The following CPQ variants were observed in gnomAD, a reference collection of about 807,000 sequenced individuals.
The protein encoded by CPQ is Ser-Met dipeptidase.
In CPQ, 37 loss-of-function variants were observed where a neutral mutation model predicts 45.7. The ratio of observed to expected loss-of-function variants is 0.81; its 90% CI spans 0.62 to 1.07. The LOEUF (loss-of-function observed/expected upper bound fraction) is 1.07, where lower values mean the gene tolerates loss of function less well. Ranked by LOEUF, CPQ falls within the 50% of genes least tolerant of loss-of-function variation. The pLI, the probability that CPQ is intolerant of heterozygous loss-of-function variation, is 0.00. For synonymous variants in CPQ, 186 were observed against 205.8 expected (o/e 0.90, Z 0.82); for missense variants, 537 against 572.9 (o/e 0.94, Z 0.64).
At chr8:97,013,720 G>A (rs1809531057) in intron 5 of CPQ, among the ~76,000 whole-genome samples, 1 of 152,160 alleles carries the variant, frequency 6.6e-6, no homozygotes, top group South Asian at 2.1e-4. Flanking sequence ...TTGGAAAAGG[G>A]AGTAGTTGGA....
intron 7 of CPQ, among the ~76,000 whole-genome samples, chr8:97,118,473 A>G (rs1175098450): frequency 6.6e-6 from 1 of 152,228 alleles, no homozygotes; most frequent in African/African-American, 2.4e-5. Flanking sequence ...CTCATGCTAT[A>G]GTTTTCATAC....
At chr8:96,948,089 C>T (rs149782977) in intron 4 of CPQ, among the ~76,000 whole-genome samples, 104 of 152,024 alleles carry the variant, frequency 6.8e-4, no homozygotes, top group African/African-American at 2.4e-3. Flanking sequence ...TTAGCTTCTT[C>T]CTAGAAATTC....
chr8:97,140,107 A>C (rs1812133852), intron 7 of CPQ, among the ~76,000 whole-genome samples: 1 of 152,012 alleles, frequency 6.6e-6, no homozygotes, highest in Non-Finnish European at 1.5e-5. Flanking sequence ...AATTAAAAAC[A>C]GGATATTACT....
At chr8:97,026,887 A>C (rs888949867) in intron 5 of CPQ, among the ~76,000 whole-genome samples, 1 of 152,236 alleles carries the variant, frequency 6.6e-6, no homozygotes, top group Non-Finnish European at 1.5e-5. Flanking sequence ...ATCTATACGG[A>C]TATTCAGAGC....
chr8:97,050,608 T>C (rs73695756), intron 6 of CPQ, among the ~76,000 whole-genome samples: 15,004 of 152,214 alleles, frequency 0.099, 1,571 homozygotes, highest in African/African-American at 0.27. Context: ...TGCACATCTG[T>C]AATCCCAGCT....
At chr8:97,006,415 A>G (rs1048820427) in intron 5 of CPQ, among the ~76,000 whole-genome samples, 2 of 152,174 alleles carry the variant, frequency 1.3e-5, no homozygotes, top group Non-Finnish European at 2.9e-5. Context: ...CTGTTATACC[A>G]CTTCACCTTT....
intron 2 of CPQ, among the ~76,000 whole-genome samples, chr8:96,811,004 G>C (rs915570983): frequency 1.3e-5 from 2 of 152,146 alleles, no homozygotes; most frequent in Non-Finnish European, 2.9e-5. Context: ...TATCAAAATA[G>C]TGTTGTAATT....
intron 1 of CPQ, among the ~76,000 whole-genome samples, chr8:96,736,479 A>G (rs1809983806): frequency 6.6e-6 from 1 of 152,226 alleles, no homozygotes; most frequent in African/African-American, 2.4e-5. Flanking sequence ...GCCGTATCAT[A>G]TTGCATAAGT....
chr8:97,135,506 T>G (rs1812038729), intron 7 of CPQ, among the ~76,000 whole-genome samples: 1 of 152,224 alleles, frequency 6.6e-6, no homozygotes, highest in African/African-American at 2.4e-5. Flanking sequence ...ATAATGTGTA[T>G]GTGTTTTTCA....
intron 1 of CPQ, among the ~76,000 whole-genome samples, chr8:96,695,471 A>G (rs1042508868): frequency 4.0e-5 from 6 of 151,896 alleles, no homozygotes; most frequent in Non-Finnish European, 5.9e-5. Context: ...GCTTCTGCAC[A>G]GCAAAAGAAA....
chr8:96,749,113 C>G (rs1015472302), intron 1 of CPQ, among the ~76,000 whole-genome samples: 1 of 152,158 alleles, frequency 6.6e-6, no homozygotes, highest in African/African-American at 2.4e-5. Context: ...TCTCTTGCCT[C>G]TATGGGTCCT....
chr8:96,838,730 C>T (rs1292319182), intron 3 of CPQ, among the ~76,000 whole-genome samples: 1 of 151,894 alleles, frequency 6.6e-6, no homozygotes, highest in African/African-American at 2.4e-5. Flanking sequence ...TAGGAAATGT[C>T]TACGGAAGGA....
At chr8:97,047,156 T>C (rs1265730839) in intron 6 of CPQ, among the ~76,000 whole-genome samples, 4 of 152,252 alleles carry the variant, frequency 2.6e-5, no homozygotes, top group African/African-American at 4.8e-5. Flanking sequence ...TCATTGATGA[T>C]AGTAATGACC....
chr8:96,872,738 T>C (rs946210496), intron 3 of CPQ, among the ~76,000 whole-genome samples: 6 of 151,794 alleles, frequency 4.0e-5, no homozygotes, highest in Non-Finnish European at 5.9e-5. Context: ...TAGAATTAAA[T>C]TGGAAAGGAA....
At chr8:96,681,410 GC>G (rs1359965519) in intron 1 of CPQ, among the ~76,000 whole-genome samples, 1 of 152,174 alleles carries the variant, frequency 6.6e-6, no homozygotes, top group Non-Finnish European at 1.5e-5. Flanking sequence ...CAGGGTGAAA[GC>G]CCCAAGCCTT....
chr8:96,920,795 C>T (rs377247640), intron 4 of CPQ, among the ~76,000 whole-genome samples: 6 of 152,196 alleles, frequency 3.9e-5, no homozygotes, highest in South Asian at 2.1e-4. Flanking sequence ...AGAGAACAGG[C>T]GGCCATCTGC....
chr8:96,929,898 T>C (rs1041769962), intron 4 of CPQ, among the ~76,000 whole-genome samples: 5 of 152,132 alleles, frequency 3.3e-5, no homozygotes, highest in Admixed American at 2.6e-4. Flanking sequence ...GAAACAGCAT[T>C]TTCTGTGTAC....
chr8:96,908,747 GCACACACA>G (rs34425501), intron 4 of CPQ, among the ~76,000 whole-genome samples: 5 of 140,914 alleles, frequency 3.5e-5, no homozygotes, highest in Non-Finnish European at 7.9e-5. Context: ...ATACACATGC[GCACACACA>G]CACACACACA....
chr8:96,749,611 C>T (rs1810233066), intron 1 of CPQ, among the ~76,000 whole-genome samples: 1 of 152,036 alleles, frequency 6.6e-6, no homozygotes. Context: ...CAGCTGAGGA[C>T]TCTGGATGGG....
Sources: allele counts gnomAD v4.1 joint callset (sites outside exome capture counted in the v4.1 genomes callset), GRCh38; gene constraint gnomAD v4.1.1; transcripts MANE v1.5; gene names NCBI Gene and HGNC (gene_info 2026-07-23, HGNC 2026-07-21).